Variants in CHN1 observed in about 807,000 individuals in gnomAD.
CHN1 encodes the protein chimerin 1.
A neutral mutation model predicts 59.5 loss-of-function variants in CHN1; 37 were observed. The observed-to-expected ratio is 0.62, with a 90% CI of 0.48 to 0.82. The LOEUF is 0.82. Among genes scored for constraint, CHN1 ranks in the 40% least tolerant of loss-of-function variants. The pLI is 0.00. For missense variants in CHN1, 469 were observed against 571.0 expected, an observed-to-expected ratio of 0.82 and a Z score of 1.82; for synonymous variants, 206 against 200.4, an observed-to-expected ratio of 1.03 and a Z score of -0.24.
intron 10 of CHN1, 174 bp downstream of exon 10, chr2:174,811,337 T>A (rs1181545847): frequency 5.9e-6 from 3 of 511,954 alleles, no homozygotes; most frequent in Middle Eastern, 4.9e-4. Flanking sequence ...GAAATTTGAC[T>A]GTTTAATACT....
intron 5 of CHN1, among the ~76,000 whole-genome samples, chr2:174,891,288 T>C (rs979948263): frequency 2.7e-5 from 4 of 147,602 alleles, no homozygotes; most frequent in Non-Finnish European, 4.5e-5. Flanking sequence ...CAAATGAAAA[T>C]AGGCCGGGAG....
chr2:174,858,946 C>T (rs1188335211), intron 6 of CHN1, among the ~76,000 whole-genome samples: 1 of 147,864 alleles, frequency 6.8e-6, no homozygotes, highest in African/African-American at 2.5e-5. Context: ...TTTTAATGGA[C>T]TGAGAAAAAT....
At chr2:174,846,423 G>A in intron 7 of CHN1, 17 of 1,537,434 alleles carry the variant, frequency 1.1e-5, no homozygotes, top group Non-Finnish European at 1.4e-5. Flanking sequence ...ATTAACAGGG[G>A]AGAAAAGACA....
intron 7 of CHN1, among the ~76,000 whole-genome samples, chr2:174,843,032 TTTAA>T (rs57351317): frequency 3.3e-5 from 5 of 152,304 alleles, no homozygotes; most frequent in African/African-American, 2.4e-5. Context: ...GTTGTTTTCT[TTTAA>T]TTACTTAATT....
chr2:174,947,316 T>C (rs2105407379), intron 2 of CHN1, among the ~76,000 whole-genome samples: 1 of 152,286 alleles, frequency 6.6e-6, no homozygotes, highest in East Asian at 1.9e-4. Context: ...AGTATTTTCT[T>C]AACATTAAGT....
At chr2:174,824,358 A>G in intron 8 of CHN1, 76 bp downstream of exon 8, 1 of 1,141,114 alleles carries the variant, frequency 8.8e-7, no homozygotes, top group Non-Finnish European at 1.2e-6. Flanking sequence ...GATATGCATA[A>G]CAACAAGTCT....
rs911399484 is a variant in CHN1 at position 175,005,281 on chromosome 2, C to T, written c.-369G>A. The stretch of plus-strand genomic sequence containing the variant: ...GCCGCACTGGCGGCGGCGGCGGCGG[C>T]GACGGGGAGAGCAGCAGCAGCCTCG... On this transcript the variant is annotated 5_prime_UTR_variant, in exon 1 of 13. Transcript: ENST00000409900. The T allele has an allele frequency of 4.3e-6, 5 of 1,171,428 alleles. No homozygotes were observed. Among genetic ancestry groups the T allele is most frequent in the Non-Finnish European group, 5.3e-6 (5 of 941,600 alleles). The allele number at this position is 1,171,428 out of a possible 1,614,324, so 72.6% of individuals were successfully genotyped here.
chr2:174,942,782 G>A lies in CHN1; in HGVS notation c.114+2106C>T, dbSNP rs1314979315. ...GCAACTTAAAAGGCCAGGTGCCCTGGCTCACAACTGTAATCCCAACACTTT... is the reference window on the plus strand; with the variant it reads ...GCAACTTAAAAGGCCAGGTGCCCTGACTCACAACTGTAATCCCAACACTTT... On this transcript the variant is annotated intron_variant, in intron 3 of 12. Coordinates refer to ENST00000409900, the MANE Select transcript of CHN1 (RefSeq NM_001822.7). Among the ~76,000 whole-genome samples, 340 of 152,266 alleles carry A rather than the reference G, an allele frequency of 2.2e-3. 2 individuals carry two copies. The highest frequency in any genetic ancestry group is 7.9e-3 in the African/African-American group (330 of 41,552).
chr2:174,975,395 A>G (rs1221323491), intron 1 of CHN1, among the ~76,000 whole-genome samples: 1 of 152,098 alleles, frequency 6.6e-6, no homozygotes, highest in East Asian at 1.9e-4. Flanking sequence ...ACTTTGTCCT[A>G]TTTGTTCTCC....
At chr2:174,856,733 T>A (rs1558954659) in intron 6 of CHN1, among the ~76,000 whole-genome samples, 1 of 152,162 alleles carries the variant, frequency 6.6e-6, no homozygotes, top group East Asian at 1.9e-4. Flanking sequence ...GCCTGGGGAC[T>A]AAATGAGCTC....
At chr2:174,856,552 A>T (rs1039710268) in intron 6 of CHN1, among the ~76,000 whole-genome samples, 25 of 152,192 alleles carry the variant, frequency 1.6e-4, no homozygotes, top group African/African-American at 6.0e-4. Flanking sequence ...CTCTTTCAAG[A>T]AACAATAGAA....
intron 5 of CHN1, among the ~76,000 whole-genome samples, chr2:174,884,767 C>A (rs1423493475): frequency 1.3e-5 from 2 of 152,042 alleles, no homozygotes; most frequent in African/African-American, 4.8e-5. Context: ...TTTGAGGGAT[C>A]CTATCACATG....
chr2:174,876,219 T>C (rs776864174), intron 6 of CHN1, among the ~76,000 whole-genome samples: 1 of 152,246 alleles, frequency 6.6e-6, no homozygotes, highest in Non-Finnish European at 1.5e-5. Context: ...ACTTGCCTAA[T>C]GTTAAACAGC....
intron 6 of CHN1, among the ~76,000 whole-genome samples, chr2:174,858,633 A>G (rs1686976393): frequency 6.6e-6 from 1 of 152,156 alleles, no homozygotes; most frequent in African/African-American, 2.4e-5. Flanking sequence ...TTTTTATATC[A>G]TGTCCATAGC....
rs114994250 is a variant in CHN1 at position 175,005,345 on chromosome 2, G to C, written c.-433C>G. 5 of 1,150,466 alleles carry C rather than the reference G, an allele frequency of 4.3e-6. No homozygotes were observed. The highest frequency in any genetic ancestry group is 5.4e-6 in the Non-Finnish European group (5 of 918,494). 71.3% of individuals were successfully genotyped at this position (1,150,466 alleles called of 1,614,324 possible). ...GGGGCGCGCTCACTCCGCATCCCGC[G>C]GCCTCGCAGACGCCATCTTGCGATA... On this transcript the variant is annotated 5_prime_UTR_variant, in exon 1 of 13. Transcript: ENST00000409900.
intron 7 of CHN1, among the ~76,000 whole-genome samples, chr2:174,839,643 G>A (rs553743098): frequency 1.4e-5 from 2 of 146,780 alleles, no homozygotes; most frequent in Non-Finnish European, 3.0e-5. Flanking sequence ...TTGCTCTATC[G>A]TCCAGGCCAT....
intron 1 of CHN1, among the ~76,000 whole-genome samples, chr2:174,974,102 G>A (rs1337192934): frequency 1.3e-5 from 2 of 152,068 alleles, no homozygotes; most frequent in African/African-American, 2.4e-5. Context: ...CCGTGACAAT[G>A]CCAAACATAC....
Position 174,799,374 on chromosome 2 carries a change from GAAA to G in CHN1, c.*739_*741del, listed in dbSNP as rs961873027. On this transcript the variant is annotated 3_prime_UTR_variant, in exon 13 of 13. Coordinates refer to ENST00000409900, the MANE Select transcript of CHN1 (RefSeq NM_001822.7). Reference sequence around the variant, plus strand: ...CACATTTTCCCGAATATTCTTATGAGAAAAAAGTAAGCTATCAATATTTTTTAT... The same window carrying G: ...CACATTTTCCCGAATATTCTTATGAGAAAGTAAGCTATCAATATTTTTTAT... 2.7e-5 allele frequency: 11 copies of G among 409,130 alleles called. No individual in the cohort carries two copies. Among genetic ancestry groups the G allele is most frequent in the African/African-American group, 1.9e-4 (9 of 47,220 alleles). 25.3% of individuals were successfully genotyped at this position (409,130 alleles called of 1,614,324 possible). A position where few individuals can be genotyped will look rare whatever the true frequency, so the allele number is the denominator to read the frequency against.
chr2:174,980,766 C>G (rs1559008313), intron 1 of CHN1, among the ~76,000 whole-genome samples: 1 of 151,070 alleles, frequency 6.6e-6, no homozygotes, highest in Non-Finnish European at 1.5e-5. Flanking sequence ...GCAAATGAAT[C>G]TAAACTATGA....
Sources: gnomAD v4.1 joint callset for allele counts (sites outside exome capture counted in the v4.1 genomes callset) on GRCh38, gnomAD v4.1.1 for gene constraint, MANE v1.5 for transcripts, NCBI Gene and HGNC (gene_info 2026-07-23, HGNC 2026-07-21) for gene names.